The following ANXA7 variants were observed in gnomAD, a reference collection of about 807,000 sequenced individuals.
ANXA7 encodes annexin VII.
A neutral mutation model predicts 64.9 loss-of-function variants in ANXA7; 55 were observed. The ratio of observed to expected loss-of-function variants is 0.85; its 90% CI spans 0.68 to 1.06. ANXA7 has a LOEUF of 1.06. Ranked by LOEUF, ANXA7 falls within the 50% of genes least tolerant of loss-of-function variation. The pLI is 0.00. For missense variants in ANXA7, 548 were observed against 582.1 expected, an observed-to-expected ratio of 0.94 and a Z score of 0.60; for synonymous variants, 200 against 192.4, an observed-to-expected ratio of 1.04 and a Z score of -0.33.
At chr10:73,387,841 G>T in intron 6 of ANXA7, 58 bp from the exon 7 acceptor site, 2 of 1,044,536 alleles carry the variant, frequency 1.9e-6, no homozygotes, top group Non-Finnish European at 2.9e-6. Context: ...GCTGCTTGAG[G>T]TCATCTTTTT....
chr10:73,410,485 T>C (rs968093395), intron 1 of ANXA7, among the ~76,000 whole-genome samples: 21 of 152,048 alleles, frequency 1.4e-4, no homozygotes, highest in African/African-American at 5.1e-4. Flanking sequence ...TGGTTATTCT[T>C]AAAAAGTCAA....
rs914388657 is a variant in ANXA7, at chr10:73,375,227, G to A, written c.*868C>T. ...GGGTATAAACTTTCAGTTATAAAAC[G>A]AATAAATGCTAGAGGTTTAATGTAG... is the stretch of plus-strand genomic sequence containing the variant. On this transcript the variant is annotated 3_prime_UTR_variant, in exon 13 of 13. Coordinates refer to ENST00000372921, the MANE Select transcript of ANXA7 (RefSeq NM_001156.5). 6.6e-6 allele frequency: 1 copy of A among 152,148 alleles called. No homozygotes were observed. The highest frequency in any genetic ancestry group is 2.4e-5 in the African/African-American group (1 of 41,436). The allele number at this position is 152,148 out of a possible 1,614,324, so 9.4% of individuals were successfully genotyped here. A position where few individuals can be genotyped will look rare whatever the true frequency, so the allele number is the denominator to read the frequency against.
At chr10:73,387,319 A>G (rs60759231) in intron 7 of ANXA7, among the ~76,000 whole-genome samples, 1,872 of 152,248 alleles carry the variant, frequency 0.012, 87 homozygotes, top group East Asian at 0.092. Context: ...GTTAGAGACC[A>G]GCCTGGCCAA....
At chr10:73,387,217 C>G (rs556929113) in intron 7 of ANXA7, among the ~76,000 whole-genome samples, 1 of 152,084 alleles carries the variant, frequency 6.6e-6, no homozygotes, top group African/African-American at 2.4e-5. Context: ...AATGAAAAAG[C>G]CTTTTAAGAG....
chr10:73,384,949 A>G (rs1160988532), intron 7 of ANXA7, among the ~76,000 whole-genome samples: 1 of 152,146 alleles, frequency 6.6e-6, no homozygotes, highest in Non-Finnish European at 1.5e-5. Context: ...TTGACTCTTC[A>G]TTACATTCAT....
chr10:73,380,913 C>A (rs973585336), intron 9 of ANXA7, among the ~76,000 whole-genome samples: 1 of 152,168 alleles, frequency 6.6e-6, no homozygotes, highest in African/African-American at 2.4e-5. Context: ...TTGTGTCAGG[C>A]ACTGTGTTAA....
chr10:73,376,280 C>A (rs1002857946), intron 12 of ANXA7, 63 bp from the exon 13 acceptor site: 21 of 1,433,668 alleles, frequency 1.5e-5, no homozygotes, highest in African/African-American at 4.4e-5. Flanking sequence ...TCTTAAAATT[C>A]TTTTTAAATA....
intron 9 of ANXA7, 96 bp from the exon 10 acceptor site, chr10:73,380,297 A>G (rs957784271): frequency 3.9e-6 from 5 of 1,275,048 alleles, no homozygotes; most frequent in African/African-American, 1.5e-5. Flanking sequence ...TAAAGAGACT[A>G]TTTCTTTTTT....
chr10:73,402,879 C>T (rs972438848), intron 1 of ANXA7, among the ~76,000 whole-genome samples: 44 of 151,338 alleles, frequency 2.9e-4, no homozygotes, highest in African/African-American at 1.1e-3. Flanking sequence ...GGCTGGAGTA[C>T]AGTGGCATAA....
At chr10:73,400,999 G>A (rs1372738511) in intron 1 of ANXA7, 142 bp from the exon 2 acceptor site, 17 of 486,704 alleles carry the variant, frequency 3.5e-5, no homozygotes, top group Non-Finnish European at 5.3e-5. Flanking sequence ...CTCTGCCTCC[G>A]GGTTCAAGCG....
In ANXA7 at chr10:73,411,524, T is replaced by C. The variant is rs556598794; in HGVS notation, c.-2+2488A>G. The stretch of plus-strand genomic sequence containing the variant: ...GGTGTGATCTCCACTCATTGCAACC[T>C]CCACCTCCCAGGTTCAAGCGATTCT... On this transcript the variant is annotated intron_variant, in intron 1 of 12. Transcript: ENST00000372921. Among the ~76,000 whole-genome samples the C allele has an allele frequency of 1.6e-3, 238 of 152,236 alleles. 1 individual carries two copies. Among genetic ancestry groups the C allele is most frequent in the African/African-American group, 5.5e-3 (230 of 41,544 alleles).
At chr10:73,377,483 T>A (rs1399760437) in intron 12 of ANXA7, 1 of 129,536 alleles carries the variant, frequency 7.7e-6, no homozygotes, top group Non-Finnish European at 1.5e-5. Context: ...GGCAGGAGAA[T>A]CACTTGAACC....
chr10:73,404,409 T>C (rs2132696131), intron 1 of ANXA7, among the ~76,000 whole-genome samples: 1 of 152,326 alleles, frequency 6.6e-6, no homozygotes, highest in African/African-American at 2.4e-5. Context: ...GTTAAGACAT[T>C]ACTATTTTTT....
intron 4 of ANXA7, 130 bp from the exon 5 acceptor site, chr10:73,396,713 G>T: frequency 1.8e-6 from 1 of 551,130 alleles, no homozygotes; most frequent in Non-Finnish European, 3.0e-6. Flanking sequence ...TATGAGGATA[G>T]TTTTTAAAAA....
intron 11 of ANXA7, 46 bp from the exon 12 acceptor site, chr10:73,379,069 A>C (rs1481963773): frequency 7.5e-7 from 1 of 1,341,258 alleles, no homozygotes; most frequent in Non-Finnish European, 1.0e-6. Context: ...ATCTCACAAG[A>C]AGTGTACCCC....
intron 1 of ANXA7, among the ~76,000 whole-genome samples, chr10:73,412,512 T>G (rs974242980): frequency 3.8e-4 from 57 of 151,892 alleles, no homozygotes; most frequent in African/African-American, 8.9e-4. Flanking sequence ...TTTTTTTTTT[T>G]TGTGACAGAG....
rs1244931263 is a variant in ANXA7 at position 73,384,120 on chromosome 10, C to CA, written c.634-431dup. ...TGGGCGACAGAGCAAGACTCCGTCT[C>CA]AAAAAAAAAAATAAATAAATAGAAA... is the stretch of plus-strand genomic sequence containing the variant. On this transcript the variant is annotated intron_variant, in intron 7 of 12. Transcript: ENST00000372921. Among the ~76,000 whole-genome samples, 114 of 128,072 alleles carry CA rather than the reference C, an allele frequency of 8.9e-4. 1 individual carries two copies. Among genetic ancestry groups the CA allele is most frequent in the Admixed American group, 1.9e-3 (24 of 12,538 alleles). The allele number at this position is 128,072 out of a possible 152,430, so 84.0% of individuals were successfully genotyped here.
At chr10:73,389,971 G>A (rs2055442023) in intron 5 of ANXA7, among the ~76,000 whole-genome samples, 1 of 152,100 alleles carries the variant, frequency 6.6e-6, no homozygotes, top group African/African-American at 2.4e-5. Flanking sequence ...AAGAGGGATG[G>A]GATGAAGATG....
intron 7 of ANXA7, among the ~76,000 whole-genome samples, chr10:73,387,239 G>C (rs1366953053): frequency 1.3e-5 from 2 of 152,178 alleles, no homozygotes; most frequent in Non-Finnish European, 2.9e-5. Context: ...AATAGGCCAG[G>C]CATGGTGGCT....
Sources: allele counts gnomAD v4.1 joint callset (sites outside exome capture counted in the v4.1 genomes callset), GRCh38; gene constraint gnomAD v4.1.1; transcripts MANE v1.5; gene names NCBI Gene and HGNC (gene_info 2026-07-23, HGNC 2026-07-21).